Variants in PHEX observed in about 807,000 individuals in gnomAD.
PHEX encodes the protein phosphate-regulating neutral endopeptidase PHEX.
In PHEX, 16 loss-of-function variants were observed where a neutral mutation model predicts 68.0. The observed-to-expected ratio is 0.24, with a 90% CI of 0.16 to 0.36. PHEX has a LOEUF of 0.36. Ranked by LOEUF, PHEX falls within the 10% of genes least tolerant of loss-of-function variation. The probability of loss-of-function intolerance (pLI) is 1.00; values close to 1 mark genes in which losing one functional copy is unlikely to be tolerated. For synonymous variants in PHEX, 208 were observed against 205.1 expected, an observed-to-expected ratio of 1.01 and a Z score of -0.12; for missense variants, 480 against 575.5, an observed-to-expected ratio of 0.83 and a Z score of 1.70.
chrX:22,160,133 A>G (rs904384504), intron 12 of PHEX, among the ~76,000 whole-genome samples: 1 of 112,159 alleles, frequency 8.9e-6, no homozygotes, highest in African/African-American at 3.2e-5. Flanking sequence ...GGGACTGGGT[A>G]ATTTATAAAG....
intron 7 of PHEX, among the ~76,000 whole-genome samples, chrX:22,094,564 C>T (rs1191137579): frequency 8.9e-6 from 1 of 112,625 alleles, no homozygotes; most frequent in African/African-American, 3.2e-5. Context: ...TCAGGGAAAT[C>T]TGTCCACCAA....
intron 3 of PHEX, among the ~76,000 whole-genome samples, chrX:22,053,788 T>G (rs1160976294): frequency 8.9e-6 from 1 of 112,207 alleles, no homozygotes; most frequent in Non-Finnish European, 1.9e-5. Flanking sequence ...TATATTATTT[T>G]CAAGCCCAGC....
At chrX:22,233,454 C>A (rs140285162) in intron 20 of PHEX, among the ~76,000 whole-genome samples, 1 of 111,447 alleles carries the variant, frequency 9.0e-6, no homozygotes, top group South Asian at 3.8e-4. Context: ...ACCAATCAAA[C>A]GTAGATTTGG....
chrX:22,195,619 A>G (rs766387173), intron 15 of PHEX, among the ~76,000 whole-genome samples: 19 of 110,500 alleles, frequency 1.7e-4, no homozygotes, highest in Non-Finnish European at 3.4e-4. Context: ...AGATTTTATT[A>G]TAATGTTCCA....
intron 3 of PHEX, among the ~76,000 whole-genome samples, chrX:22,061,616 C>T (rs1009466327): frequency 6.3e-5 from 7 of 111,238 alleles, no homozygotes; most frequent in East Asian, 2.8e-4. Context: ...CTGAACTGAG[C>T]TCCCAACACG....
rs772441926 is a variant in PHEX at position 22,094,019 on chromosome X, G to C, written c.769G>C (p.Ala257Pro). 8.3e-7 allele frequency: 1 copy of C among 1,203,580 alleles called. No individual in the cohort carries two copies. The highest frequency in any genetic ancestry group is 1.1e-6 in the Non-Finnish European group (1 of 888,801). ...CCTTTACAAGTTCATGGTGGATACT[G>C]CCGTGCTTTTAGGAGCTAACAGTTC... The part of the protein sequence containing the change: ...DALYKFMVDT[A>P]VLLGANSSRA... The change falls in exon 7 of 22, where the codon GCC becomes CCC. Residue 257 changes from alanine to proline, a missense_variant. Transcript: ENST00000379374.
At chrX:22,207,960 A>G (rs909082690) in intron 15 of PHEX, among the ~76,000 whole-genome samples, 88 of 110,971 alleles carry the variant, frequency 7.9e-4, no homozygotes, top group Middle Eastern at 4.7e-3. Context: ...ATAGGTATAC[A>G]TGTGCCGTGT....
In PHEX at chrX:22,077,479, C is replaced by T. The variant is rs749081778; in HGVS notation, c.440C>T (p.Ala147Val). ...CTTCATATCTGCTCCCTTTCAGAAG[C>T]GATTGAAAAAGCAGATGCCAAGCCA... ...ILYSSCMNEK[A>V]IEKADAKPLL... The change falls in exon 5 of 22, where the codon GCG (alanine) becomes GTG (valine). Residue 147 changes from alanine (A) to valine (V), a missense_variant. Ala to Val is a moderately conservative substitution (Grantham distance 64). Transcript: ENST00000379374. 28 of 1,205,851 alleles carry T rather than the reference C, an allele frequency of 2.3e-5. No individual in the cohort carries two copies. In the South Asian group the frequency reaches 3.7e-4, roughly 16 times the overall value.
intron 20 of PHEX, among the ~76,000 whole-genome samples, chrX:22,230,216 G>A (rs1159884158): frequency 1.6e-5 from 1 of 62,014 alleles, no homozygotes; most frequent in Non-Finnish European, 3.1e-5. Context: ...GGATTGTTTT[G>A]GCTATATGGG....
chrX:22,190,293 C>T (rs1005645178), intron 14 of PHEX, 151 bp from the exon 15 acceptor site: 1 of 551,859 alleles, frequency 1.8e-6, no homozygotes. Context: ...GTACAGTAGC[C>T]CCAAACTGAG....
At chrX:22,235,429 A>G (rs1181662126) in intron 20 of PHEX, among the ~76,000 whole-genome samples, 2 of 112,009 alleles carry the variant, frequency 1.8e-5, no homozygotes, top group African/African-American at 3.2e-5. Context: ...ACAGAAATTT[A>G]TCACAGTTCT....
chrX:22,193,199 A>C (rs1396942001), intron 15 of PHEX, among the ~76,000 whole-genome samples: 2 of 111,122 alleles, frequency 1.8e-5, no homozygotes, highest in Non-Finnish European at 3.8e-5. Context: ...AATTATAATC[A>C]CATTTAGGAC....
Position 22,133,673 on chromosome X carries a change from A to G in PHEX, c.1404+49A>G, listed in dbSNP as rs371442924. 431 of 933,401 alleles carry G rather than the reference A, an allele frequency of 4.6e-4. 1 individual carries two copies. The highest frequency in any genetic ancestry group is 6.3e-4 in the Non-Finnish European group (412 of 651,008). The allele number at this position is 933,401 out of a possible 1,213,427, so 76.9% of individuals were successfully genotyped here. A position where few individuals can be genotyped will look rare whatever the true frequency, so the allele number is the denominator to read the frequency against. On this transcript the variant is annotated intron_variant, in intron 12 of 21. Coordinates refer to ENST00000379374, the MANE Select transcript of PHEX (RefSeq NM_000444.6). ...AAAAATAAGACTTCTGGTTTAATGG[A>G]TGTTCATGCTTGACATTGACTGTGT... is the stretch of plus-strand genomic sequence containing the variant.
At chrX:22,084,652 G>C (rs1454924854) in intron 5 of PHEX, among the ~76,000 whole-genome samples, 1 of 107,743 alleles carries the variant, frequency 9.3e-6, no homozygotes, top group Non-Finnish European at 1.9e-5. Flanking sequence ...TTTGATGGGA[G>C]ACCTTTTATT....
intron 11 of PHEX, among the ~76,000 whole-genome samples, chrX:22,127,920 C>G (rs1931806316): frequency 9.0e-6 from 1 of 111,582 alleles, no homozygotes; most frequent in Non-Finnish European, 1.9e-5. Context: ...GAAGAAAAGG[C>G]AGAGGAGGGA....
chrX:22,070,290 C>T (rs1399551190), intron 3 of PHEX, among the ~76,000 whole-genome samples: 1 of 111,494 alleles, frequency 9.0e-6, no homozygotes, highest in Non-Finnish European at 1.9e-5. Context: ...TCACCAGAAT[C>T]AGAGGGCACT....
chrX:22,205,312 C>G (rs754326297), intron 15 of PHEX, among the ~76,000 whole-genome samples: 5 of 111,770 alleles, frequency 4.5e-5, no homozygotes, highest in Non-Finnish European at 9.4e-5. Context: ...TGTCCAGAGG[C>G]TGCTGCAGGG....
At chrX:22,064,663 C>T (rs1240291763) in intron 3 of PHEX, among the ~76,000 whole-genome samples, 1 of 111,975 alleles carries the variant, frequency 8.9e-6, no homozygotes, top group African/African-American at 3.2e-5. Context: ...CTCCAGGGTA[C>T]ATGGATGTTT....
intron 13 of PHEX, among the ~76,000 whole-genome samples, chrX:22,177,277 T>C (rs951386179): frequency 8.9e-6 from 1 of 112,040 alleles, no homozygotes; most frequent in African/African-American, 3.2e-5. Context: ...TTTTACTTTT[T>C]GCTTTTAAAA....
Sources: allele counts gnomAD v4.1 joint callset (sites outside exome capture counted in the v4.1 genomes callset), GRCh38; gene constraint gnomAD v4.1.1; transcripts MANE v1.5; gene names NCBI Gene and HGNC (gene_info 2026-07-23, HGNC 2026-07-21).